The following CAPN13 variants were observed in gnomAD, a reference collection of about 807,000 sequenced individuals.
The protein encoded by CAPN13 is calpain 13.
CAPN13 carries 90 observed loss-of-function variants against 98.4 expected under a neutral mutation model. The observed-to-expected ratio is 0.92, with a 90% confidence interval of 0.77 to 1.09. The LOEUF (loss-of-function observed/expected upper bound fraction) is 1.09. CAPN13 is among the 50% of genes least tolerant of loss of function. The probability of loss-of-function intolerance (pLI) is 0.00; values close to 1 mark genes in which losing one functional copy is unlikely to be tolerated. For missense variants in CAPN13, 887 were observed against 841.3 expected (o/e 1.05, Z -0.67); for synonymous variants, 330 against 305.5 (o/e 1.08, Z -0.84).
In CAPN13 at chr2:30,725,013, A is replaced by G. The variant is rs182932450; in HGVS notation, c.*31-1777T>C. 2.6e-5 allele frequency among the ~76,000 whole-genome samples: 4 copies of G among 152,360 alleles called. No individual in the cohort carries two copies. In the East Asian group the frequency reaches 5.8e-4, roughly 22 times the overall value. ...TCCTCAAGAAACTGTATTTTTATAC[A>G]GTGGGAAATTGTTATAAATGACAAT... is the stretch of plus-strand genomic sequence containing the variant. On this transcript the variant is annotated intron_variant, in intron 22 of 22. Transcript: ENST00000295055.
intron 1 of CAPN13, among the ~76,000 whole-genome samples, chr2:30,790,816 A>T (rs1674569840): frequency 6.6e-6 from 1 of 152,182 alleles, no homozygotes; most frequent in African/African-American, 2.4e-5. Flanking sequence ...TAACAACAGG[A>T]TTTATTTCTC....
intron 1 of CAPN13, among the ~76,000 whole-genome samples, chr2:30,800,144 G>GA (rs1436517197): frequency 1.4e-5 from 2 of 147,122 alleles, no homozygotes; most frequent in African/African-American, 5.2e-5. Flanking sequence ...AAGAAAGAAA[G>GA]AAAGAAAGAA....
chr2:30,745,627 A>G lies in CAPN13; in HGVS notation c.1248+96T>C, dbSNP rs138590109. 740 of 1,259,348 alleles carry G rather than the reference A, an allele frequency of 5.9e-4. 6 individuals are homozygous for G. In the East Asian group the frequency reaches 0.015, roughly 26 times the overall value. The allele number at this position is 1,259,348 out of a possible 1,614,324, so 78.0% of individuals were successfully genotyped here. A position where few individuals can be genotyped will look rare whatever the true frequency, so the allele number is the denominator to read the frequency against. On this transcript the variant is annotated intron_variant, in intron 12 of 22. Coordinates refer to ENST00000295055, the MANE Select transcript of CAPN13 (RefSeq NM_144575.3). The stretch of plus-strand genomic sequence containing the variant: ...ACTTAGCGAGACTGAATTTGCAGCC[A>G]CTGAACACGTGGAGGCCATGGGCGT...
rs79541593 is a variant in CAPN13, at chr2:30,768,565, C to T, written c.524+1748G>A. On this transcript the variant is annotated intron_variant, in intron 5 of 22. Transcript: ENST00000295055. Reference sequence around the variant, plus strand: ...GAGAGTCCCTGCCCCTGGGCCTCTGCATACCTTCCTGTCCTATTTCCAGGT... The same window carrying T: ...GAGAGTCCCTGCCCCTGGGCCTCTGTATACCTTCCTGTCCTATTTCCAGGT... Among the ~76,000 whole-genome samples, 339 of 152,342 alleles carry T rather than the reference C, an allele frequency of 2.2e-3. 3 individuals carry two copies. Among genetic ancestry groups the T allele is most frequent in the African/African-American group, 7.8e-3 (325 of 41,578 alleles).
intron 11 of CAPN13, among the ~76,000 whole-genome samples, chr2:30,746,935 G>A (rs2253121): frequency 6.6e-6 from 1 of 151,996 alleles, no homozygotes; most frequent in African/African-American, 2.4e-5. Context: ...TGAAAGGAAG[G>A]GGGAGATTTT....
chr2:30,739,944 C>T (rs998527992), intron 15 of CAPN13, among the ~76,000 whole-genome samples: 1 of 152,160 alleles, frequency 6.6e-6, no homozygotes, highest in Non-Finnish European at 1.5e-5. Flanking sequence ...TAAATGCTGG[C>T]TACTTGGTGG....
intron 1 of CAPN13, among the ~76,000 whole-genome samples, chr2:30,797,527 C>T (rs1343551497): frequency 6.6e-6 from 1 of 152,166 alleles, no homozygotes; most frequent in Non-Finnish European, 1.5e-5. Context: ...AGCCTCGTAG[C>T]AGCAGACGGA....
At chr2:30,758,821 C>CT (rs1672625649) in intron 7 of CAPN13, among the ~76,000 whole-genome samples, 1 of 81,884 alleles carries the variant, frequency 1.2e-5, no homozygotes, top group East Asian at 5.3e-4. Context: ...CCCTTCCTCC[C>CT]TTCCTTCCTC....
chr2:30,802,866 G>A (rs1370152132), intron 1 of CAPN13, among the ~76,000 whole-genome samples: 1 of 152,186 alleles, frequency 6.6e-6, no homozygotes, highest in African/African-American at 2.4e-5. Flanking sequence ...AACAGGCAGG[G>A]AGCTGTGGGG....
intron 10 of CAPN13, 104 bp downstream of exon 10, chr2:30,752,949 T>G: frequency 7.9e-7 from 1 of 1,270,280 alleles, no homozygotes; most frequent in Admixed American, 2.0e-5. Flanking sequence ...AGCTTCAGGC[T>G]CATGGTCCAG....
intron 2 of CAPN13, among the ~76,000 whole-genome samples, chr2:30,778,733 G>A (rs184237617): frequency 4.7e-4 from 71 of 152,204 alleles, no homozygotes; most frequent in Admixed American, 3.6e-3. Flanking sequence ...TCCTGGCTGC[G>A]GGGATGATTT....
intron 7 of CAPN13, among the ~76,000 whole-genome samples, chr2:30,759,062 CCCTCCCTCCTCCCT>C (rs796858592): frequency 9.4e-5 from 1 of 10,656 alleles, no homozygotes; most frequent in Non-Finnish European, 2.0e-4. Context: ...TTCCCTCCCT[CCCTCCCTCCTCCCT>C]CCCTTCCTCT....
intron 1 of CAPN13, among the ~76,000 whole-genome samples, chr2:30,794,570 G>C (rs957671791): frequency 6.6e-6 from 1 of 151,712 alleles, no homozygotes; most frequent in African/African-American, 2.4e-5. Flanking sequence ...AGAAATGAAA[G>C]CATATGTTCA....
intron 12 of CAPN13, 122 bp downstream of exon 12, chr2:30,745,601 G>T: frequency 1.1e-6 from 1 of 933,608 alleles, no homozygotes; most frequent in Non-Finnish European, 1.6e-6. Flanking sequence ...TCTGATGTAA[G>T]ACTTAGCGAG....
chr2:30,798,393 A>G (rs1247572375), intron 1 of CAPN13, among the ~76,000 whole-genome samples: 1 of 151,962 alleles, frequency 6.6e-6, no homozygotes, highest in Non-Finnish European at 1.5e-5. Context: ...ATCCCTTCCA[A>G]CTTCAACCTA....
intron 22 of CAPN13, among the ~76,000 whole-genome samples, chr2:30,725,796 A>G (rs2103476850): frequency 6.6e-6 from 1 of 152,332 alleles, no homozygotes. Context: ...TGACCAGGAC[A>G]CTTTCAACTT....
intron 1 of CAPN13, among the ~76,000 whole-genome samples, chr2:30,794,883 G>A (rs1202117322): frequency 6.6e-6 from 1 of 151,874 alleles, no homozygotes; most frequent in Admixed American, 6.6e-5. Flanking sequence ...AAATGGGGGT[G>A]GAGGGAGGAA....
intron 17 of CAPN13, chr2:30,737,417 C>T (rs1320489084): frequency 1.3e-5 from 2 of 152,560 alleles, no homozygotes; most frequent in African/African-American, 4.8e-5. Flanking sequence ...GGGGTCTACA[C>T]TCATGGAGTC....
At chr2:30,737,330 T>A (rs1671421232) in intron 17 of CAPN13, 1 of 152,432 alleles carries the variant, frequency 6.6e-6, no homozygotes, top group Non-Finnish European at 1.5e-5. Context: ...TTCAGCCTTG[T>A]CAACGGTGCA....
Sources: gnomAD v4.1 joint callset for allele counts (sites outside exome capture counted in the v4.1 genomes callset) on GRCh38, gnomAD v4.1.1 for gene constraint, MANE v1.5 for transcripts, NCBI Gene and HGNC (gene_info 2026-07-23, HGNC 2026-07-21) for gene names.